The following B4GALT1 variants were observed in gnomAD, a reference collection of about 807,000 sequenced individuals.
B4GALT1 encodes beta-1,4-galactosyltransferase 1.
B4GALT1 carries 16 observed loss-of-function variants against 34.9 expected under a neutral mutation model. The observed-to-expected ratio is 0.46, with a 90% CI of 0.31 to 0.70. The LOEUF (loss-of-function observed/expected upper bound fraction) is 0.70, where lower values mean the gene tolerates loss of function less well. B4GALT1 is among the 30% of genes least tolerant of loss of function. The probability of loss-of-function intolerance (pLI) is 0.05; values close to 1 mark genes in which losing one functional copy is unlikely to be tolerated. For missense variants in B4GALT1, 445 were observed against 530.5 expected (o/e 0.84, Z 1.58); for synonymous variants, 221 against 218.1 (o/e 1.01, Z -0.12).
chr9:33,125,144 G>T (rs145062888), intron 2 of B4GALT1, among the ~76,000 whole-genome samples: 7 of 152,316 alleles, frequency 4.6e-5, no homozygotes, highest in African/African-American at 1.7e-4. Flanking sequence ...AGCAGAGACT[G>T]CCACAAGATG....
intron 1 of B4GALT1, among the ~76,000 whole-genome samples, chr9:33,149,676 A>G (rs1322694362): frequency 6.6e-6 from 1 of 152,214 alleles, no homozygotes; most frequent in Non-Finnish European, 1.5e-5. Context: ...CACACTGCCA[A>G]TAAGGAACAA....
At chr9:33,167,388 C>G (rs1376394976), upstream of B4GALT1, 2 of 425,700 alleles carry the variant, frequency 4.7e-6, no homozygotes, top group African/African-American at 4.2e-5. Context: ...GGGGCCCCGG[C>G]GAAGGCGGGG....
Position 33,166,816 on chromosome 9 carries a change from T to C in B4GALT1, c.354A>G (p.Pro118=). The change falls in exon 1 of 6, where the codon CCA becomes CCG. Residue 118 remains proline (P), a synonymous_variant. Transcript: ENST00000379731. The part of the protein sequence containing the change: ...PGPASNLTSV[P]VPHTTALSLP... The stretch of plus-strand genomic sequence containing the variant: ...GCGACAGTGCGGTGGTGTGGGGCAC[T>C]GGGACCGAGGTCAAGTTGCTAGCGG... The C allele has an allele frequency of 6.5e-7, 1 of 1,547,658 alleles. No individual in the cohort carries two copies. The highest frequency in any genetic ancestry group is 8.7e-7 in the Non-Finnish European group (1 of 1,152,540).
intron 4 of B4GALT1, among the ~76,000 whole-genome samples, chr9:33,114,653 TG>T (rs1403640793): frequency 6.6e-6 from 1 of 151,948 alleles, no homozygotes; most frequent in African/African-American, 2.4e-5. Context: ...CAGAACAGGG[TG>T]GAGGATTCTG....
chr9:33,162,420 T>C (rs759455196), intron 1 of B4GALT1, among the ~76,000 whole-genome samples: 3 of 152,190 alleles, frequency 2.0e-5, no homozygotes, highest in Non-Finnish European at 2.9e-5. Context: ...TTTTCTTCTT[T>C]GTAGCTCTAG....
intron 2 of B4GALT1, among the ~76,000 whole-genome samples, chr9:33,123,146 C>T (rs753645583): frequency 7.9e-5 from 12 of 151,944 alleles, no homozygotes; most frequent in South Asian, 2.1e-4. Context: ...GGTGTGGTGG[C>T]GGGCGCCTGG....
the B4GALT1 span, among the ~76,000 whole-genome samples, chr9:33,177,706 A>G: frequency 6.6e-6 from 1 of 152,218 alleles, no homozygotes; most frequent in Non-Finnish European, 1.5e-5. Flanking sequence ...ACAACAATTT[A>G]TTATTTCTTA....
upstream of B4GALT1, among the ~76,000 whole-genome samples, chr9:33,169,651 G>A (rs1840821553): frequency 6.6e-6 from 1 of 151,724 alleles, no homozygotes; most frequent in African/African-American, 2.4e-5. Flanking sequence ...CTCTTGAGTA[G>A]CTGGGATTAC....
intron 1 of B4GALT1, among the ~76,000 whole-genome samples, chr9:33,152,174 G>A (rs1472439326): frequency 6.6e-6 from 1 of 151,796 alleles, no homozygotes; most frequent in African/African-American, 2.4e-5. Flanking sequence ...TGTGGTGGCG[G>A]GTGCCTGTAA....
At position 33,113,362 on chromosome 9, in the gene B4GALT1, T is replaced by G; in HGVS notation, c.*92A>C. The G allele has an allele frequency of 6.3e-7, 1 of 1,587,804 alleles. No homozygotes were observed. The highest frequency in any genetic ancestry group is 8.6e-7 in the Non-Finnish European group (1 of 1,157,656). ...GAAGGGGACCTGTCACTCAGACTGG[T>G]AAAAATGAGAGGGACCAGCCCAGCA... On this transcript the variant is annotated 3_prime_UTR_variant, in exon 6 of 6. Coordinates refer to ENST00000379731, the MANE Select transcript of B4GALT1 (RefSeq NM_001497.4).
At chr9:33,114,756 G>A (rs544761795) in intron 4 of B4GALT1, among the ~76,000 whole-genome samples, 26 of 152,354 alleles carry the variant, frequency 1.7e-4, no homozygotes, top group African/African-American at 5.8e-4. Flanking sequence ...GCTGATCCCA[G>A]ACCACTTAAA....
downstream of B4GALT1, among the ~76,000 whole-genome samples, chr9:33,110,037 C>A (rs1159510774): frequency 1.3e-5 from 2 of 152,218 alleles, no homozygotes; most frequent in Non-Finnish European, 2.9e-5. Context: ...AGGGATCCCT[C>A]CAGCAGTGAC....
At chr9:33,116,166 T>A (rs1339843029) in intron 3 of B4GALT1, 53 bp from the exon 4 acceptor site, 2 of 1,597,292 alleles carry the variant, frequency 1.3e-6, no homozygotes, top group Non-Finnish European at 1.7e-6. Context: ...AGTTCTGACA[T>A]CCCCAAAATA....
intron 1 of B4GALT1, among the ~76,000 whole-genome samples, chr9:33,166,102 AG>A (rs1196530944): frequency 6.6e-6 from 1 of 152,222 alleles, no homozygotes; most frequent in Non-Finnish European, 1.5e-5. Flanking sequence ...ATCCACACAG[AG>A]GAAGAAATGA....
At chr9:33,121,972 C>T (rs538723773) in intron 2 of B4GALT1, among the ~76,000 whole-genome samples, 23 of 152,220 alleles carry the variant, frequency 1.5e-4, no homozygotes, top group Non-Finnish European at 2.4e-4. Context: ...GACATTGCCA[C>T]GCCTCACTCT....
At chr9:33,184,602 G>T in the B4GALT1 span, among the ~76,000 whole-genome samples, 1 of 152,176 alleles carries the variant, frequency 6.6e-6, no homozygotes. Flanking sequence ...CTTTAATGTG[G>T]ATCACCTGGG....
chr9:33,122,560 A>G (rs1261887030), intron 2 of B4GALT1, among the ~76,000 whole-genome samples: 1 of 152,132 alleles, frequency 6.6e-6, no homozygotes. Context: ...CTGGCACTCC[A>G]AAAGGCTGCC....
At chr9:33,120,309 C>A (rs1587729900) in intron 3 of B4GALT1, 110 bp downstream of exon 3, 1 of 1,207,446 alleles carries the variant, frequency 8.3e-7, no homozygotes, top group South Asian at 1.2e-5. Context: ...TCAGAGGAGG[C>A]ATTCTGCTCC....
chr9:33,181,840 A>G, the B4GALT1 span, among the ~76,000 whole-genome samples: 2 of 152,212 alleles, frequency 1.3e-5, no homozygotes, highest in African/African-American at 4.8e-5. Flanking sequence ...CTCCTCTAAC[A>G]AATTATCCAG....
Sources: gnomAD v4.1 joint callset for allele counts (sites outside exome capture counted in the v4.1 genomes callset) on GRCh38, gnomAD v4.1.1 for gene constraint, MANE v1.5 for transcripts, NCBI Gene and HGNC (gene_info 2026-07-23, HGNC 2026-07-21) for gene names.